SNAPC3: variants seen among roughly 807,000 people sequenced by gnomAD.
The protein encoded by SNAPC3 is snRNA-activating protein complex subunit 3.
A neutral mutation model predicts 47.7 loss-of-function variants in SNAPC3; 56 were observed. The observed-to-expected ratio is 1.18, with a 90% confidence interval of 0.95 to 1.47. The LOEUF is 1.47. SNAPC3 is among the 40% of genes most tolerant of loss of function. The probability of loss-of-function intolerance (pLI) is 0.00; values close to 1 mark genes in which losing one functional copy is unlikely to be tolerated. For synonymous variants in SNAPC3, 235 were observed against 189.9 expected, an observed-to-expected ratio of 1.24 and a Z score of -1.95; for missense variants, 665 against 511.3, an observed-to-expected ratio of 1.30 and a Z score of -2.90.
At chr9:15,434,452 G>A (rs1239291341) in intron 3 of SNAPC3, among the ~76,000 whole-genome samples, 1 of 148,284 alleles carries the variant, frequency 6.7e-6, no homozygotes, top group African/African-American at 2.5e-5. Flanking sequence ...GTGTCGCCCA[G>A]GCTGGAGTGC....
At chr9:15,423,761 C>A (rs906318684) in intron 1 of SNAPC3, 148 bp from the exon 2 acceptor site, 14 of 434,296 alleles carry the variant, frequency 3.2e-5, no homozygotes, top group African/African-American at 1.9e-4. Flanking sequence ...TCACAGAAAT[C>A]GTTGTCTTAA....
chr9:15,446,979 T>A, intron 4 of SNAPC3, 116 bp from the exon 5 acceptor site: 1 of 878,290 alleles, frequency 1.1e-6, no homozygotes, highest in Non-Finnish European at 1.8e-6. Flanking sequence ...CATCAAGTTA[T>A]GGGGACAATT....
intron 8 of SNAPC3, among the ~76,000 whole-genome samples, chr9:15,459,185 C>A (rs567599590): frequency 9.8e-5 from 15 of 152,302 alleles, no homozygotes; most frequent in African/African-American, 3.6e-4. Context: ...TCATGCCATT[C>A]AACATTTTGG....
downstream of SNAPC3, among the ~76,000 whole-genome samples, chr9:15,466,421 CT>C (rs1001782359): frequency 6.6e-6 from 1 of 152,182 alleles, no homozygotes. Context: ...CTCCATCTAA[CT>C]TTTTACAATT....
chr9:15,444,620 A>G lies in SNAPC3; in HGVS notation c.496A>G (p.Lys166Glu). The change falls in exon 4 of 9, where the codon AAA becomes GAA. Residue 166 changes from lysine to glutamate, a missense_variant. Coordinates refer to ENST00000380821, the MANE Select transcript of SNAPC3 (RefSeq NM_001039697.2). ...TCTTCAGGAGTCACATGCCATAGGA[A>G]AAAAGCCTGAAAATTCAGCAGACAT... ...VYEMESHAIGKKPENSADMIE... is the reference protein window; with the variant it reads ...VYEMESHAIGEKPENSADMIE... The G allele has an allele frequency of 6.2e-7, 1 of 1,611,188 alleles. No homozygotes were observed. Among genetic ancestry groups the G allele is most frequent in the Non-Finnish European group, 8.5e-7 (1 of 1,177,490 alleles).
intron 7 of SNAPC3, 132 bp downstream of exon 7, chr9:15,453,337 A>G (rs1471693033): frequency 1.7e-6 from 1 of 605,464 alleles, no homozygotes; most frequent in African/African-American, 1.9e-5. Flanking sequence ...GGGAGCAGCA[A>G]AAATACTGTC....
intron 2 of SNAPC3, among the ~76,000 whole-genome samples, chr9:15,425,323 T>C (rs1322385382): frequency 6.6e-6 from 1 of 152,168 alleles, no homozygotes; most frequent in Non-Finnish European, 1.5e-5. Flanking sequence ...GTTCAAGCGA[T>C]TCTCCTGCCT....
intron 6 of SNAPC3, among the ~76,000 whole-genome samples, chr9:15,452,183 G>A (rs776256759): frequency 6.6e-6 from 1 of 151,996 alleles, no homozygotes; most frequent in Non-Finnish European, 1.5e-5. Flanking sequence ...GGCTGGTCTT[G>A]AACTCCTGGC....
intron 2 of SNAPC3, among the ~76,000 whole-genome samples, chr9:15,431,159 G>A (rs1252184302): frequency 6.6e-6 from 1 of 152,022 alleles, no homozygotes; most frequent in Non-Finnish European, 1.5e-5. Context: ...AGCACCCCGC[G>A]CCCAGCAGCT....
downstream of SNAPC3, chr9:15,462,753 C>CT (rs1388359708): frequency 6.6e-6 from 1 of 152,222 alleles, no homozygotes; most frequent in Non-Finnish European, 1.5e-5. Context: ...TCAGTCATCT[C>CT]TAACATTGTG....
At chr9:15,466,641 G>T, downstream of SNAPC3, 2 of 793,240 alleles carry the variant, frequency 2.5e-6, no homozygotes, top group Non-Finnish European at 3.8e-6. Context: ...GGAATTGGGT[G>T]ATCAAAAGAT....
chr9:15,424,040 A>G (rs1455845911), intron 2 of SNAPC3, 54 bp downstream of exon 2: 2 of 1,080,984 alleles, frequency 1.9e-6, no homozygotes, highest in Non-Finnish European at 2.7e-6. Context: ...TTTCAACATT[A>G]TGTTTTGAAA....
At chr9:15,450,790 C>CCAA in intron 5 of SNAPC3, among the ~76,000 whole-genome samples, 1 of 152,106 alleles carries the variant, frequency 6.6e-6, no homozygotes, top group Non-Finnish European at 1.5e-5. Context: ...ACTCCTTTGA[C>CCAA]GGACACTGTG....
At chr9:15,458,706 C>T (rs766922611) in intron 8 of SNAPC3, among the ~76,000 whole-genome samples, 2 of 151,846 alleles carry the variant, frequency 1.3e-5, no homozygotes, top group South Asian at 2.1e-4. Context: ...GTGGGAGGAT[C>T]GCTTGAGGCC....
chr9:15,428,820 GA>G, intron 2 of SNAPC3, among the ~76,000 whole-genome samples: 1 of 151,916 alleles, frequency 6.6e-6, no homozygotes, highest in East Asian at 1.9e-4. Context: ...AAATGACAAA[GA>G]AAAAAGTAAG....
intron 1 of SNAPC3, 40 bp from the exon 2 acceptor site, chr9:15,423,869 A>T: frequency 4.2e-6 from 5 of 1,186,584 alleles, no homozygotes; most frequent in Non-Finnish European, 4.8e-6. Flanking sequence ...AACCAGATGC[A>T]GAGTCGACCT....
chr9:15,433,416 T>C, intron 2 of SNAPC3, 136 bp from the exon 3 acceptor site: 1 of 663,700 alleles, frequency 1.5e-6, no homozygotes, highest in Non-Finnish European at 2.7e-6. Flanking sequence ...GAACAAGAGA[T>C]AGAAGGGAAC....
intron 3 of SNAPC3, among the ~76,000 whole-genome samples, chr9:15,442,474 G>A (rs1489005576): frequency 6.6e-6 from 1 of 151,324 alleles, no homozygotes; most frequent in African/African-American, 2.4e-5. Flanking sequence ...GCTGGGCGGA[G>A]GGGCTCCTCA....
intron 3 of SNAPC3, among the ~76,000 whole-genome samples, chr9:15,437,728 T>A (rs1349694672): frequency 6.6e-6 from 1 of 151,740 alleles, no homozygotes; most frequent in Non-Finnish European, 1.5e-5. Flanking sequence ...TAAATTCCAC[T>A]TGGTTGTGGG....
Sources: gnomAD v4.1 joint callset for allele counts (sites outside exome capture counted in the v4.1 genomes callset) on GRCh38, gnomAD v4.1.1 for gene constraint, MANE v1.5 for transcripts, NCBI Gene and HGNC (gene_info 2026-07-23, HGNC 2026-07-21) for gene names.